Variants in CMTM8 observed in about 807,000 individuals in gnomAD.
CMTM8 encodes the protein CKLF like MARVEL transmembrane domain containing 8, also known as CKLF-like MARVEL transmembrane domain-containing protein 8.
In CMTM8, 12 loss-of-function variants were observed where a neutral mutation model predicts 18.6. That is an observed-to-expected ratio of 0.65 (90% confidence interval 0.41 to 1.05). CMTM8 has a LOEUF of 1.05. Ranked by LOEUF, CMTM8 falls within the 50% of genes least tolerant of loss-of-function variation. The probability of loss-of-function intolerance (pLI) is 0.00; values close to 1 mark genes in which losing one functional copy is unlikely to be tolerated. For synonymous variants in CMTM8, 87 were observed against 90.6 expected (o/e 0.96, Z 0.23); for missense variants, 217 against 227.2 (o/e 0.95, Z 0.29).
intron 1 of CMTM8, among the ~76,000 whole-genome samples, chr3:32,322,954 G>A (rs1162328925): frequency 6.6e-6 from 1 of 152,136 alleles, no homozygotes; most frequent in Non-Finnish European, 1.5e-5. Context: ...TGGGCGGGGT[G>A]GGACCTCATG....
chr3:32,301,838 G>A (rs912228494), intron 1 of CMTM8, among the ~76,000 whole-genome samples: 27 of 152,200 alleles, frequency 1.8e-4, no homozygotes, highest in African/African-American at 5.5e-4. Flanking sequence ...TTTCCATTTC[G>A]AGTCTGGCTA....
At chr3:32,353,151 G>T (rs1467665721) in intron 1 of CMTM8, among the ~76,000 whole-genome samples, 1 of 152,092 alleles carries the variant, frequency 6.6e-6, no homozygotes, top group African/African-American at 2.4e-5. Flanking sequence ...GCACCACCAT[G>T]CCCAGCTAAT....
chr3:32,305,303 T>G (rs898723705), intron 1 of CMTM8, among the ~76,000 whole-genome samples: 1 of 149,444 alleles, frequency 6.7e-6, no homozygotes, highest in Non-Finnish European at 1.5e-5. Flanking sequence ...TGATCTCTGC[T>G]CACTGCAAGC....
intron 2 of CMTM8, among the ~76,000 whole-genome samples, chr3:32,364,812 A>G (rs868455931): frequency 6.6e-6 from 1 of 152,180 alleles, no homozygotes; most frequent in South Asian, 2.1e-4. Flanking sequence ...ATCCCCCACT[A>G]TCCATTTTCT....
intron 1 of CMTM8, among the ~76,000 whole-genome samples, chr3:32,312,287 C>T (rs1695834624): frequency 1.3e-5 from 2 of 152,118 alleles, no homozygotes; most frequent in Admixed American, 1.3e-4. Flanking sequence ...GGGCCCGCAT[C>T]CCTCAGATAA....
chr3:32,249,633 T>C (rs994287513), intron 1 of CMTM8, among the ~76,000 whole-genome samples: 3 of 152,198 alleles, frequency 2.0e-5, no homozygotes, highest in Non-Finnish European at 4.4e-5. Flanking sequence ...TCATGACTAA[T>C]GATATTGAGC....
intron 1 of CMTM8, among the ~76,000 whole-genome samples, chr3:32,311,610 C>T (rs1695820423): frequency 6.6e-6 from 1 of 152,196 alleles, no homozygotes. Flanking sequence ...GTGCAATGTC[C>T]TCTTTGCCAT....
At chr3:32,292,709 G>T (rs932854591) in intron 1 of CMTM8, among the ~76,000 whole-genome samples, 24 of 152,166 alleles carry the variant, frequency 1.6e-4, no homozygotes, top group African/African-American at 5.5e-4. Context: ...ACTGTTGTGT[G>T]CATTGTGGGA....
At position 32,370,181 on chromosome 3, in the gene CMTM8, ATGTAT is replaced by A. The variant is rs1329145518; in HGVS notation, c.*216_*220del. ...TAATGAACTCTTAAGTATCTTATTA[ATGTAT>A]TAATGTCTTCATAGATCATATTTTC... On this transcript the variant is annotated 3_prime_UTR_variant, in exon 4 of 4. Coordinates refer to ENST00000307526, the MANE Select transcript of CMTM8 (RefSeq NM_178868.5). 3.6e-6 allele frequency: 1 copy of A among 274,152 alleles called. No individual in the cohort carries two copies. Among genetic ancestry groups the A allele is most frequent in the Non-Finnish European group, 6.9e-6 (1 of 145,264 alleles). The allele number at this position is 274,152 out of a possible 1,614,324, so 17.0% of individuals were successfully genotyped here. A position where few individuals can be genotyped will look rare whatever the true frequency, so the allele number is the denominator to read the frequency against.
At chr3:32,264,972 A>G (rs56994599) in intron 1 of CMTM8, among the ~76,000 whole-genome samples, 113 of 152,356 alleles carry the variant, frequency 7.4e-4, no homozygotes, top group African/African-American at 2.5e-3. Context: ...AGAGACCTAC[A>G]TAGAGACTTA....
At position 32,238,959 on chromosome 3, in the gene CMTM8, G is replaced by C. The variant is rs1701906615; in HGVS notation, c.-14G>C. ...GGGTCCCTGGGGACGCGCCAGCCCG[G>C]CAGTGGCTCGACGATGGAGGAGCCG... On this transcript the variant is annotated 5_prime_UTR_variant, in exon 1 of 4. Coordinates refer to ENST00000307526, the MANE Select transcript of CMTM8 (RefSeq NM_178868.5). 1 of 1,545,196 alleles carries C rather than the reference G, an allele frequency of 6.5e-7. No individual in the cohort carries two copies. The highest frequency in any genetic ancestry group is 1.4e-5 in the African/African-American group (1 of 72,440).
Position 32,289,622 on chromosome 3 carries a change from A to G in CMTM8, c.147+50503A>G, listed in dbSNP as rs576470837. ...TTAGCAGTGATGCCAGTATGCTAGTATATTAACAAGAAAGCCAGTCTAACT... is the reference window on the plus strand; with the variant it reads ...TTAGCAGTGATGCCAGTATGCTAGTGTATTAACAAGAAAGCCAGTCTAACT... On this transcript the variant is annotated intron_variant, in intron 1 of 3. Coordinates refer to ENST00000307526, the MANE Select transcript of CMTM8 (RefSeq NM_178868.5). 1.4e-3 allele frequency among the ~76,000 whole-genome samples: 219 copies of G among 152,358 alleles called. 1 individual carries two copies. The highest frequency in any genetic ancestry group is 1.7e-3 in the Non-Finnish European group (117 of 68,032).
chr3:32,239,601 A>G (rs2125524551), intron 1 of CMTM8, among the ~76,000 whole-genome samples: 1 of 152,150 alleles, frequency 6.6e-6, no homozygotes, highest in Admixed American at 6.5e-5. Flanking sequence ...TACTGAATAA[A>G]ATCTGAGTGC....
intron 1 of CMTM8, among the ~76,000 whole-genome samples, chr3:32,350,042 A>G (rs971949504): frequency 1.5e-4 from 23 of 152,154 alleles, no homozygotes; most frequent in South Asian, 2.1e-4. Context: ...CAAAATGTCA[A>G]TATGCCTGAG....
intron 1 of CMTM8, among the ~76,000 whole-genome samples, chr3:32,297,056 C>G (rs1486442312): frequency 6.6e-6 from 1 of 152,116 alleles, no homozygotes; most frequent in Admixed American, 6.5e-5. Context: ...GAAAAACATC[C>G]CCTTAGGATG....
chr3:32,262,236 A>G (rs1466543256), intron 1 of CMTM8, among the ~76,000 whole-genome samples: 3 of 152,214 alleles, frequency 2.0e-5, no homozygotes, highest in Non-Finnish European at 4.4e-5. Flanking sequence ...GGACTGCCAC[A>G]GAAAAAGAAG....
intron 1 of CMTM8, among the ~76,000 whole-genome samples, chr3:32,353,910 G>A (rs3853710): frequency 0.035 from 5,258 of 150,786 alleles, 96 homozygotes; most frequent in East Asian, 0.098. Context: ...TCAGCCTCCC[G>A]AGTAGCTGGG....
At chr3:32,298,956 T>TATA (rs34213042) in intron 1 of CMTM8, among the ~76,000 whole-genome samples, 1,559 of 129,238 alleles carry the variant, frequency 0.012, 22 homozygotes, top group African/African-American at 0.036. Flanking sequence ...TATATATATA[T>TATA]TTTTTTTTTT....
intron 1 of CMTM8, among the ~76,000 whole-genome samples, chr3:32,334,009 CCT>C (rs1696332954): frequency 6.6e-6 from 1 of 151,524 alleles, no homozygotes; most frequent in African/African-American, 2.4e-5. Flanking sequence ...ACAGAGTGTC[CCT>C]CTGTCACCGA....
Sources: allele counts gnomAD v4.1 joint callset (sites outside exome capture counted in the v4.1 genomes callset), GRCh38; gene constraint gnomAD v4.1.1; transcripts MANE v1.5; gene names NCBI Gene and HGNC (gene_info 2026-07-23, HGNC 2026-07-21).